Variants in KCNG3 observed in about 807,000 individuals in gnomAD.
The protein encoded by KCNG3 is potassium voltage-gated channel modifier subfamily G member 3, also known as voltage-gated potassium channel regulatory subunit KCNG3.
In KCNG3, 15 loss-of-function variants were observed where a neutral mutation model predicts 29.0. The observed-to-expected ratio is 0.52, with a 90% confidence interval of 0.35 to 0.80. KCNG3 has a LOEUF of 0.80. KCNG3 is among the 30% of genes least tolerant of loss of function. The pLI is 0.01. For synonymous variants in KCNG3, 322 were observed against 248.9 expected, an observed-to-expected ratio of 1.29 and a Z score of -2.76; for missense variants, 512 against 605.7, an observed-to-expected ratio of 0.85 and a Z score of 1.62.
downstream of KCNG3, among the ~76,000 whole-genome samples, chr2:42,438,628 T>C (rs1425951197): frequency 2.6e-5 from 4 of 152,246 alleles, no homozygotes; most frequent in Non-Finnish European, 5.9e-5. Flanking sequence ...AGTTCAATTT[T>C]CTAAGCAAAT....
chr2:42,414,581 T>C, the KCNG3 span, among the ~76,000 whole-genome samples: 33 of 152,126 alleles, frequency 2.2e-4, no homozygotes, highest in Admixed American at 4.6e-4. Context: ...TTGTGCAGTC[T>C]GTCTCAGCAT....
intron 1 of KCNG3, chr2:42,470,024 T>C: frequency 2.0e-6 from 1 of 496,830 alleles, no homozygotes; most frequent in Middle Eastern, 6.4e-4. Flanking sequence ...CAATAAAATC[T>C]TAAGAATTCT....
intron 1 of KCNG3, among the ~76,000 whole-genome samples, chr2:42,451,932 A>C (rs995634976): frequency 6.6e-6 from 1 of 151,850 alleles, no homozygotes; most frequent in African/African-American, 2.4e-5. Flanking sequence ...ACAACAACAA[A>C]GATACAATCA....
the KCNG3 span, among the ~76,000 whole-genome samples, chr2:42,421,180 A>T: frequency 3.0e-4 from 45 of 152,358 alleles, no homozygotes; most frequent in African/African-American, 1.0e-3. Context: ...GTTAAAAATG[A>T]TTACTTGAAT....
chr2:42,478,808 C>A (rs1673506550), intron 1 of KCNG3, among the ~76,000 whole-genome samples: 1 of 152,164 alleles, frequency 6.6e-6, no homozygotes, highest in Non-Finnish European at 1.5e-5. Context: ...ACACATATAA[C>A]TCACTTCCTT....
chr2:42,463,024 G>C (rs1225112405), intron 1 of KCNG3: 1 of 155,558 alleles, frequency 6.4e-6, no homozygotes, highest in Non-Finnish European at 1.4e-5. Flanking sequence ...TGGAGGTCTA[G>C]CATGAAATGT....
At chr2:42,398,398 T>A in the KCNG3 span, among the ~76,000 whole-genome samples, 1 of 152,018 alleles carries the variant, frequency 6.6e-6, no homozygotes, top group African/African-American at 2.4e-5. Context: ...AGTCTCTTCC[T>A]CTGGCCAGAG....
chr2:42,422,945 C>T, the KCNG3 span, among the ~76,000 whole-genome samples: 1 of 152,118 alleles, frequency 6.6e-6, no homozygotes, highest in Non-Finnish European at 1.5e-5. Flanking sequence ...GGGACCAAGC[C>T]TAGGTTACTT....
chr2:42,398,265 A>AAATG, the KCNG3 span, among the ~76,000 whole-genome samples: 6 of 138,534 alleles, frequency 4.3e-5, no homozygotes, highest in African/African-American at 1.5e-4. Flanking sequence ...ATAAATAAAT[A>AAATG]AAATAAAATA....
At chr2:42,478,955 AATT>A (rs1673509733) in intron 1 of KCNG3, among the ~76,000 whole-genome samples, 1 of 113,410 alleles carries the variant, frequency 8.8e-6, no homozygotes, top group Non-Finnish European at 1.8e-5. Flanking sequence ...TCAGAGTTTG[AATT>A]TTTTTTTTTT....
intron 1 of KCNG3, among the ~76,000 whole-genome samples, chr2:42,470,867 A>G (rs1460526198): frequency 6.7e-6 from 1 of 148,682 alleles, no homozygotes; most frequent in Non-Finnish European, 1.5e-5. Flanking sequence ...AAAAAAAAAG[A>G]AGTGGGGGGC....
chr2:42,436,762 C>T, the KCNG3 span, among the ~76,000 whole-genome samples: 1 of 152,212 alleles, frequency 6.6e-6, no homozygotes, highest in African/African-American at 2.4e-5. Flanking sequence ...ATAAAAACCA[C>T]ACTTTCTTGG....
At chr2:42,414,298 C>G in the KCNG3 span, among the ~76,000 whole-genome samples, 752 of 152,228 alleles carry the variant, frequency 4.9e-3, 5 homozygotes, top group African/African-American at 0.017. Flanking sequence ...GTTAAAATAT[C>G]TCTATTATGC....
intron 1 of KCNG3, chr2:42,463,907 A>C: frequency 3.2e-6 from 1 of 310,024 alleles, no homozygotes; most frequent in South Asian, 2.7e-5. Context: ...TTTGTTTTCA[A>C]ATCAAGTTTT....
the KCNG3 span, among the ~76,000 whole-genome samples, chr2:42,430,060 A>G: frequency 6.6e-6 from 1 of 152,048 alleles, no homozygotes; most frequent in Non-Finnish European, 1.5e-5. Context: ...CTCTAAGCAA[A>G]TTTTATTAAG....
chr2:42,411,640 T>A, the KCNG3 span, among the ~76,000 whole-genome samples: 1 of 152,192 alleles, frequency 6.6e-6, no homozygotes, highest in African/African-American at 2.4e-5. Flanking sequence ...GCACCACCAC[T>A]CCCAGCTAAT....
intron 1 of KCNG3, among the ~76,000 whole-genome samples, chr2:42,468,398 A>C (rs1673197748): frequency 6.6e-6 from 1 of 152,236 alleles, no homozygotes; most frequent in South Asian, 2.1e-4. Context: ...AATTAGGGAC[A>C]GTCTATACTG....
chr2:42,467,941 A>T (rs573437504), intron 1 of KCNG3, among the ~76,000 whole-genome samples: 52 of 151,800 alleles, frequency 3.4e-4, no homozygotes, highest in African/African-American at 1.1e-3. Context: ...ACTGCACATC[A>T]GCCTGGGTGA....
the KCNG3 span, among the ~76,000 whole-genome samples, chr2:42,417,872 T>C: frequency 6.6e-6 from 1 of 151,958 alleles, no homozygotes; most frequent in African/African-American, 2.4e-5. Context: ...CTTGGGAGGC[T>C]GAGGCAGGAG....
Sources: gnomAD v4.1 joint callset for allele counts (sites outside exome capture counted in the v4.1 genomes callset) on GRCh38, gnomAD v4.1.1 for gene constraint, MANE v1.5 for transcripts, NCBI Gene and HGNC (gene_info 2026-07-23, HGNC 2026-07-21) for gene names.